The following GSG1L variants were observed in gnomAD, a reference collection of about 807,000 sequenced individuals.
GSG1L encodes germ cell-specific gene 1-like protein.
A neutral mutation model predicts 42.1 loss-of-function variants in GSG1L; 24 were observed. The ratio of observed to expected loss-of-function variants is 0.57; its 90% CI spans 0.41 to 0.80. GSG1L has a LOEUF of 0.80. Ranked by LOEUF, GSG1L falls within the 30% of genes least tolerant of loss-of-function variation. The probability of loss-of-function intolerance (pLI) is 0.00; values close to 1 mark genes in which losing one functional copy is unlikely to be tolerated. For synonymous variants in GSG1L, 215 were observed against 203.5 expected (o/e 1.06, Z -0.48); for missense variants, 445 against 472.2 (o/e 0.94, Z 0.53).
At chr16:27,807,697 G>T (rs890441892) in intron 5 of GSG1L, 143 bp from the exon 6 acceptor site, 1 of 647,968 alleles carries the variant, frequency 1.5e-6, no homozygotes, top group Non-Finnish European at 2.7e-6. Context: ...TGCCCTGGGG[G>T]ATTTTGACCA....
intron 1 of GSG1L, among the ~76,000 whole-genome samples, chr16:28,004,370 G>C (rs993436708): frequency 2.6e-5 from 4 of 152,068 alleles, no homozygotes; most frequent in Non-Finnish European, 5.9e-5. Flanking sequence ...GAGGAAGGAG[G>C]TGAGGGACTT....
intron 2 of GSG1L, among the ~76,000 whole-genome samples, chr16:27,886,083 C>T (rs1267378867): frequency 6.6e-6 from 1 of 152,132 alleles, no homozygotes; most frequent in Non-Finnish European, 1.5e-5. Flanking sequence ...GTGCCATGTC[C>T]CTCCAACTCC....
At chr16:27,924,712 TAGAA>T (rs1449416582) in intron 2 of GSG1L, among the ~76,000 whole-genome samples, 2 of 152,170 alleles carry the variant, frequency 1.3e-5, no homozygotes, top group African/African-American at 4.8e-5. Flanking sequence ...AAAGAAAACT[TAGAA>T]GGAAAATATC....
intron 5 of GSG1L, among the ~76,000 whole-genome samples, chr16:27,809,723 G>A (rs2083009771): frequency 6.6e-6 from 1 of 152,022 alleles, no homozygotes; most frequent in African/African-American, 2.4e-5. Context: ...CCCTGTCTTT[G>A]TCTCATTTTC....
rs1162701310 is a variant in GSG1L, at chr16:28,063,209, G to A, written c.216C>T (p.Ala72=). ...NGTAAPAAAA[A]AATASGNGPP... is the part of the protein sequence containing the mutation. Reference sequence around the variant, plus strand: ...GGCCGTTCCCCGAGGCGGTGGCGGCGGCGGCGGCGGCGGCGGGGGCGGCGG... The same window carrying A: ...GGCCGTTCCCCGAGGCGGTGGCGGCAGCGGCGGCGGCGGCGGGGGCGGCGG... Residue 72 remains alanine (A), a synonymous_variant, in exon 1 of 7, where the codon GCC becomes GCT. Coordinates refer to ENST00000447459, the MANE Select transcript of GSG1L (RefSeq NM_001109763.2). This position sits in a 1 kb window ranked among gnomAD's most constrained non-coding sequence, Gnocchi z 5.8. 1 of 1,261,608 alleles carries A rather than the reference G, an allele frequency of 7.9e-7. No homozygotes were observed. Among genetic ancestry groups the A allele is most frequent in the East Asian group, 3.4e-5 (1 of 29,252 alleles). The allele number at this position is 1,261,608 out of a possible 1,614,324, so 78.2% of individuals were successfully genotyped here.
chr16:27,799,650 C>A (rs997485541), intron 6 of GSG1L, among the ~76,000 whole-genome samples: 1 of 151,960 alleles, frequency 6.6e-6, no homozygotes, highest in Non-Finnish European at 1.5e-5. Context: ...GAGGGGAAGG[C>A]GAGAGAAGGC....
intron 2 of GSG1L, among the ~76,000 whole-genome samples, chr16:27,941,925 G>C (rs973255195): frequency 6.6e-6 from 1 of 152,118 alleles, no homozygotes; most frequent in African/African-American, 2.4e-5. Context: ...GAAGTAGAAT[G>C]GTGATTGCCA....
intron 3 of GSG1L, among the ~76,000 whole-genome samples, chr16:27,860,257 A>C (rs2083630095): frequency 6.6e-6 from 1 of 152,072 alleles, no homozygotes; most frequent in African/African-American, 2.4e-5. Flanking sequence ...AGCCACAGAG[A>C]CCCTAGGTCA....
chr16:28,004,528 G>C (rs2085618323), intron 1 of GSG1L, among the ~76,000 whole-genome samples: 1 of 151,266 alleles, frequency 6.6e-6, no homozygotes, highest in African/African-American at 2.4e-5. Context: ...TAATCCTAGG[G>C]CTTTGGGAGG....
intron 5 of GSG1L, among the ~76,000 whole-genome samples, chr16:27,822,295 A>G (rs1193510319): frequency 6.6e-6 from 1 of 152,146 alleles, no homozygotes; most frequent in Non-Finnish European, 1.5e-5. Flanking sequence ...ACCCTGGTCT[A>G]TTTCTTCAGG....
intron 6 of GSG1L, among the ~76,000 whole-genome samples, chr16:27,804,258 T>C (rs2144423226): frequency 6.6e-6 from 1 of 152,172 alleles, no homozygotes; most frequent in Middle Eastern, 3.4e-3. Context: ...TGCCCTCCCA[T>C]TGCCCTCCCT....
At chr16:27,917,053 G>T (rs1277443322) in intron 2 of GSG1L, among the ~76,000 whole-genome samples, 1 of 152,172 alleles carries the variant, frequency 6.6e-6, no homozygotes, top group African/African-American at 2.4e-5. Context: ...GTGGGAGCAA[G>T]CTTGCTTCGT....
intron 2 of GSG1L, among the ~76,000 whole-genome samples, chr16:27,936,446 C>T (rs1281607438): frequency 2.6e-5 from 4 of 152,242 alleles, no homozygotes; most frequent in African/African-American, 7.2e-5. Context: ...GAAAAGAGCC[C>T]GGCACCTCCC....
At chr16:27,807,849 A>G (rs2082985033) in intron 5 of GSG1L, among the ~76,000 whole-genome samples, 1 of 152,228 alleles carries the variant, frequency 6.6e-6, no homozygotes. Context: ...TCTGTCAAAA[A>G]GAGGAAAATA....
chr16:27,979,686 A>AGAAG lies in GSG1L; in HGVS notation c.350-16487_350-16484dup, dbSNP rs1271446807. Among the ~76,000 whole-genome samples, 99 of 40,054 alleles carry AGAAG rather than the reference A, an allele frequency of 2.5e-3. 2 individuals carry two copies. Among genetic ancestry groups the AGAAG allele is most frequent in the Non-Finnish European group, 3.3e-3 (71 of 21,268 alleles). The allele number at this position is 40,054 out of a possible 152,430, so 26.3% of individuals were successfully genotyped here. A position where few individuals can be genotyped will look rare whatever the true frequency, so the allele number is the denominator to read the frequency against. On this transcript the variant is annotated intron_variant, in intron 1 of 6. Coordinates refer to ENST00000447459, the MANE Select transcript of GSG1L (RefSeq NM_001109763.2). ...AAGAGAGAGAGAGAGAGAGAAAGAA[A>AGAAG]GAAGGAAGGAAGGAAGGAAGGAAGG...
At chr16:27,821,755 T>A (rs1033590624) in intron 5 of GSG1L, among the ~76,000 whole-genome samples, 4 of 151,412 alleles carry the variant, frequency 2.6e-5, no homozygotes, top group Admixed American at 6.6e-5. Context: ...ACAAAAAAAA[T>A]TAGCTGTGCG....
At chr16:27,999,758 C>T (rs1331954936) in intron 1 of GSG1L, among the ~76,000 whole-genome samples, 1 of 152,202 alleles carries the variant, frequency 6.6e-6, no homozygotes, top group Non-Finnish European at 1.5e-5. Flanking sequence ...TTAGCTGCTT[C>T]TCCTGAATGA....
chr16:27,917,421 G>A (rs1039541385), intron 2 of GSG1L, among the ~76,000 whole-genome samples: 1 of 152,124 alleles, frequency 6.6e-6, no homozygotes, highest in African/African-American at 2.4e-5. Context: ...GGAATGAGCA[G>A]GACCCTAAAC....
chr16:27,985,696 A>G (rs1420927647), intron 1 of GSG1L, among the ~76,000 whole-genome samples: 2 of 151,908 alleles, frequency 1.3e-5, no homozygotes, highest in African/African-American at 4.8e-5. Context: ...AAAAAAATAC[A>G]AAGTTAGCCA....
Sources: allele counts gnomAD v4.1 joint callset (sites outside exome capture counted in the v4.1 genomes callset), GRCh38; gene constraint gnomAD v4.1.1; non-coding constraint Gnocchi (gnomAD v3.1); transcripts MANE v1.5; gene names NCBI Gene and HGNC (gene_info 2026-07-23, HGNC 2026-07-21).